The following GNB1L variants were observed in gnomAD, a reference collection of about 807,000 sequenced individuals.
GNB1L encodes the protein G protein subunit beta 1 like, also known as guanine nucleotide-binding protein subunit beta-like protein 1.
Under a neutral mutation model 29.1 loss-of-function variants are expected in GNB1L, and 20 were observed. That is an observed-to-expected ratio of 0.69 (90% CI 0.48 to 1.00). GNB1L has a LOEUF of 1.00. Among genes scored for constraint, GNB1L ranks in the 50% least tolerant of loss-of-function variants. The pLI is 0.00. For missense variants in GNB1L, 421 were observed against 464.9 expected (o/e 0.91, Z 0.87); for synonymous variants, 193 against 206.5 (o/e 0.93, Z 0.56).
At chr22:19,832,084 C>T (rs1432756398) in intron 2 of GNB1L, among the ~76,000 whole-genome samples, 2 of 152,168 alleles carry the variant, frequency 1.3e-5, no homozygotes, top group Non-Finnish European at 2.9e-5. Context: ...AATCCCAGCA[C>T]TTTGGGAGGC....
chr22:19,795,588 A>G (rs1262144287), intron 7 of GNB1L, among the ~76,000 whole-genome samples: 1 of 152,274 alleles, frequency 6.6e-6, no homozygotes, highest in Non-Finnish European at 1.5e-5. Context: ...AAGCTAGATT[A>G]AAGATATAGC....
At chr22:19,849,372 GTTT>G (rs796724694) in intron 2 of GNB1L, 39 of 665,656 alleles carry the variant, frequency 5.9e-5, no homozygotes, top group Admixed American at 7.3e-5. Flanking sequence ...GTTTTTTGTT[GTTT>G]TTTTTTTTTT....
chr22:19,800,357 G>A (rs2145866299), intron 7 of GNB1L, among the ~76,000 whole-genome samples: 1 of 152,344 alleles, frequency 6.6e-6, no homozygotes, highest in Middle Eastern at 3.4e-3. Flanking sequence ...CAGGGAAGCT[G>A]TCTGGGTCTT....
intron 2 of GNB1L, chr22:19,850,582 C>G: frequency 8.6e-7 from 1 of 1,168,388 alleles, no homozygotes; most frequent in Non-Finnish European, 1.1e-6. Context: ...GGTAATCCCA[C>G]AGGAAACATC....
chr22:19,845,349 C>A (rs772330643), intron 2 of GNB1L, among the ~76,000 whole-genome samples: 26 of 152,356 alleles, frequency 1.7e-4, no homozygotes, highest in Admixed American at 2.6e-4. Context: ...GAGGGCCCCC[C>A]CTATGCACAG....
chr22:19,810,729 C>A (rs1303087465), intron 5 of GNB1L, among the ~76,000 whole-genome samples: 1 of 152,196 alleles, frequency 6.6e-6, no homozygotes, highest in Non-Finnish European at 1.5e-5. Flanking sequence ...GCTCCCTGGG[C>A]GTTGTCTGGG....
chr22:19,848,860 G>T lies in GNB1L; in HGVS notation c.-21+5583C>A, dbSNP rs990145660. On this transcript the variant is annotated intron_variant, in intron 2 of 7. Transcript: ENST00000329517. Reference sequence around the variant, plus strand: ...TTCAGGTCCACTAAAGGGAGATGGGGAAGGTGGCCTGTCCAGAAGCCTGTG... The same window carrying T: ...TTCAGGTCCACTAAAGGGAGATGGGTAAGGTGGCCTGTCCAGAAGCCTGTG... The T allele has an allele frequency of 4.1e-6, 4 of 985,362 alleles. No individual in the cohort carries two copies. In the African/African-American group the frequency reaches 7.0e-5, roughly 17 times the overall value. 61.0% of individuals were successfully genotyped at this position (985,362 alleles called of 1,614,324 possible). A position where few individuals can be genotyped will look rare whatever the true frequency, so the allele number is the denominator to read the frequency against.
At chr22:19,852,311 GGGGTGTGGACA>G in intron 2 of GNB1L, 1 of 1,559,744 alleles carries the variant, frequency 6.4e-7, no homozygotes, top group Middle Eastern at 1.8e-4. Flanking sequence ...GTGGGTGGTG[GGGGTGTGGACA>G]GATGTGGCTT....
intron 2 of GNB1L, chr22:19,849,004 G>A (rs1372217183): frequency 1.0e-6 from 1 of 985,544 alleles, no homozygotes; most frequent in South Asian, 4.7e-5. Context: ...GCATCAGGGA[G>A]CAGTCTGACC....
rs994653140 is a variant in GNB1L at position 19,787,534 on chromosome 22, G to C, written c.*1175C>G. Reference sequence around the variant, plus strand: ...GCAGGAGGCTGGTGCCACTCTCAGGGTCACCCTCTGTATCTCATCCTGGGG... The same window carrying C: ...GCAGGAGGCTGGTGCCACTCTCAGGCTCACCCTCTGTATCTCATCCTGGGG... On this transcript the variant is annotated 3_prime_UTR_variant, in exon 8 of 8. Coordinates refer to ENST00000329517, the MANE Select transcript of GNB1L (RefSeq NM_053004.3). 2.6e-5 allele frequency: 4 copies of C among 152,496 alleles called. No homozygotes were observed. The highest frequency in any genetic ancestry group is 9.6e-5 in the African/African-American group (4 of 41,474). The allele number at this position is 152,496 out of a possible 1,614,324, so 9.4% of individuals were successfully genotyped here. A position where few individuals can be genotyped will look rare whatever the true frequency, so the allele number is the denominator to read the frequency against.
chr22:19,804,256 C>T (rs961398451), intron 6 of GNB1L, among the ~76,000 whole-genome samples: 2 of 152,268 alleles, frequency 1.3e-5, no homozygotes, highest in Non-Finnish European at 2.9e-5. Flanking sequence ...CTGTTCTTCT[C>T]TGCCCCCTCC....
At chr22:19,794,767 G>A (rs1937287858) in intron 7 of GNB1L, among the ~76,000 whole-genome samples, 1 of 152,102 alleles carries the variant, frequency 6.6e-6, no homozygotes, top group East Asian at 1.9e-4. Context: ...CGGATCACGA[G>A]GTCAAGAGAT....
Position 19,820,814 on chromosome 22 carries a change from G to A in GNB1L, c.129-91C>T, listed in dbSNP as rs918869732. On this transcript the variant is annotated intron_variant, in intron 3 of 7. Transcript: ENST00000329517. Reference sequence around the variant, plus strand: ...CCTGGAGGCCACATTGTGGGATGCGGGCATCTAGGCTGGTTGAGCTGAAAA... The same window carrying A: ...CCTGGAGGCCACATTGTGGGATGCGAGCATCTAGGCTGGTTGAGCTGAAAA... The A allele has an allele frequency of 5.5e-6, 8 of 1,441,928 alleles. No homozygotes were observed. In the African/African-American group the frequency reaches 1.1e-4, roughly 20 times the overall value. The allele number at this position is 1,441,928 out of a possible 1,614,324, so 89.3% of individuals were successfully genotyped here.
At chr22:19,827,048 C>T (rs1360163297) in intron 2 of GNB1L, among the ~76,000 whole-genome samples, 1 of 151,900 alleles carries the variant, frequency 6.6e-6, no homozygotes, top group Non-Finnish European at 1.5e-5. Flanking sequence ...GCTCTTAGAT[C>T]AGATCCTGGA....
intron 7 of GNB1L, among the ~76,000 whole-genome samples, chr22:19,796,404 C>T (rs1937306823): frequency 6.6e-6 from 1 of 152,238 alleles, no homozygotes; most frequent in African/African-American, 2.4e-5. Flanking sequence ...GGGCATCTGA[C>T]AACCAGCACT....
rs1273617317 is a variant in GNB1L, at chr22:19,785,879, TG to T, written c.*2829del. The T allele has an allele frequency of 6.6e-6, 1 of 152,332 alleles. No individual in the cohort carries two copies. The highest frequency in any genetic ancestry group is 1.9e-4 in the East Asian group (1 of 5,194). 9.4% of individuals were successfully genotyped at this position (152,332 alleles called of 1,614,324 possible). On this transcript the variant is annotated 3_prime_UTR_variant, in exon 8 of 8. Coordinates refer to ENST00000329517, the MANE Select transcript of GNB1L (RefSeq NM_053004.3). The surrounding 1 kb of genome is among the most constrained non-coding windows in gnomAD (Gnocchi z 4.1). ...GGGGTTTCAAGGCTGGTCAGACGCA[TG>T]GTGATTCATCACGACCCAGGTTCTG...
At chr22:19,847,052 C>A in intron 2 of GNB1L, 4 of 985,440 alleles carry the variant, frequency 4.1e-6, no homozygotes, top group Non-Finnish European at 4.8e-6. Flanking sequence ...TCAGCTGCTG[C>A]CGTCCTATGG....
At chr22:19,835,609 G>C (rs979143032) in intron 2 of GNB1L, among the ~76,000 whole-genome samples, 4 of 152,018 alleles carry the variant, frequency 2.6e-5, no homozygotes, top group Admixed American at 6.6e-5. Context: ...AGCTGGCGGA[G>C]GTTGCAGTGA....
intron 2 of GNB1L, among the ~76,000 whole-genome samples, chr22:19,833,823 A>G (rs1409825638): frequency 6.6e-6 from 1 of 151,926 alleles, no homozygotes; most frequent in Non-Finnish European, 1.5e-5. Flanking sequence ...CCGATATCAT[A>G]CCACGGCACT....
Sources: allele counts gnomAD v4.1 joint callset (sites outside exome capture counted in the v4.1 genomes callset), GRCh38; gene constraint gnomAD v4.1.1; non-coding constraint Gnocchi (gnomAD v3.1); transcripts MANE v1.5; gene names NCBI Gene and HGNC (gene_info 2026-07-23, HGNC 2026-07-21).